DAB2IP: variants seen among roughly 807,000 people sequenced by gnomAD.
The protein encoded by DAB2IP is DAB2 interacting protein, also known as disabled homolog 2-interacting protein.
DAB2IP carries 28 observed loss-of-function variants against 107.2 expected under a neutral mutation model. The observed-to-expected ratio is 0.26, with a 90% CI of 0.19 to 0.36. DAB2IP has a LOEUF of 0.36. Ranked by LOEUF, DAB2IP falls within the 10% of genes least tolerant of loss-of-function variation. DAB2IP has a pLI of 1.00. For missense variants in DAB2IP, 1,400 were observed against 1,644.7 expected, an observed-to-expected ratio of 0.85 and a Z score of 2.57; for synonymous variants, 755 against 706.4, an observed-to-expected ratio of 1.07 and a Z score of -1.09.
chr9:121,728,142 AG>A (rs1382530569), intron 3 of DAB2IP, among the ~76,000 whole-genome samples: 13 of 152,190 alleles, frequency 8.5e-5, no homozygotes, highest in African/African-American at 3.1e-4. Flanking sequence ...CAGCGATCCC[AG>A]GGCAGGAGGC....
Position 121,699,549 on chromosome 9 carries a change from G to A in DAB2IP, c.362+91G>A. On this transcript the variant is annotated intron_variant, in intron 3 of 15. Transcript: ENST00000408936. The surrounding 1 kb of genome is among the most constrained non-coding windows in gnomAD (Gnocchi z 6.2). ...GGACAAAGCGCGAGCCCGGCCCGGG[G>A]CGAGCCACACGGCGGTGGGGGGACC... 8.1e-6 allele frequency: 9 copies of A among 1,115,578 alleles called. No individual in the cohort carries two copies. The highest frequency in any genetic ancestry group is 9.9e-6 in the Non-Finnish European group (9 of 906,242). The allele number at this position is 1,115,578 out of a possible 1,614,324, so 69.1% of individuals were successfully genotyped here. A position where few individuals can be genotyped will look rare whatever the true frequency, so the allele number is the denominator to read the frequency against.
At chr9:121,756,879 AG>A in intron 3 of DAB2IP, 133 bp from the exon 4 acceptor site, 1 of 1,253,144 alleles carries the variant, frequency 8.0e-7, no homozygotes, top group African/African-American at 1.5e-5. Flanking sequence ...ATCTGTCTTA[AG>A]ACAGAAAGGA....
intron 3 of DAB2IP, among the ~76,000 whole-genome samples, chr9:121,713,730 C>T (rs538434326): frequency 2.0e-5 from 3 of 152,204 alleles, no homozygotes; most frequent in East Asian, 1.9e-4. Context: ...GAGGCTGCAC[C>T]GGGGCTGAGA....
chr9:121,757,000 A>C lies in DAB2IP; in HGVS notation c.363-13A>C, dbSNP rs774201634. 1 of 1,613,680 alleles carries C rather than the reference A, an allele frequency of 6.2e-7. No homozygotes were observed. The highest frequency in any genetic ancestry group is 8.5e-7 in the Non-Finnish European group (1 of 1,179,860). On this transcript the variant is annotated splice_polypyrimidine_tract_variant and intron_variant, in intron 3 of 15. Transcript: ENST00000408936. Reference sequence around the variant, plus strand: ...CTGTGGGGGCCCACCTGACACACCTACTGCCACCCCAGGTCCCATCTGATG... The same window carrying C: ...CTGTGGGGGCCCACCTGACACACCTCCTGCCACCCCAGGTCCCATCTGATG...
At chr9:121,758,871 T>C in intron 4 of DAB2IP, 27 bp from the exon 5 acceptor site, 1 of 1,606,264 alleles carries the variant, frequency 6.2e-7, no homozygotes, top group Non-Finnish European at 8.5e-7. Flanking sequence ...CCTTCCCTCA[T>C]AACACTGTCT....
In DAB2IP at chr9:121,699,327, C is replaced by T. The variant is rs771420408; in HGVS notation, c.231C>T (p.Gly77=). The T allele has an allele frequency of 2.8e-6, 4 of 1,424,412 alleles. No homozygotes were observed. In the African/African-American group the frequency reaches 4.5e-5, roughly 16 times the overall value. 88.2% of individuals were successfully genotyped at this position (1,424,412 alleles called of 1,614,324 possible). ...CCCTCTTGTCCCCCCGTGCGCAGGGCTTCCTCAGCCGCCGCCTCAAGGGCT... is the reference window on the plus strand; with the variant it reads ...CCCTCTTGTCCCCCCGTGCGCAGGGTTTCCTCAGCCGCCGCCTCAAGGGCT... Residue 77 remains glycine (G), a splice_region_variant and synonymous_variant, in exon 3 of 16, where the codon GGC becomes GGT. Transcript: ENST00000408936. This position sits in a 1 kb window ranked among gnomAD's most constrained non-coding sequence, Gnocchi z 6.2.
At chr9:121,627,832 G>A (rs941722585) in intron 1 of DAB2IP, among the ~76,000 whole-genome samples, 2 of 152,098 alleles carry the variant, frequency 1.3e-5, no homozygotes, top group African/African-American at 2.4e-5. Flanking sequence ...TGCTTCTTTC[G>A]TTCAGTAAGA....
intron 14 of DAB2IP, among the ~76,000 whole-genome samples, chr9:121,777,613 A>G (rs1835295580): frequency 6.6e-6 from 1 of 152,218 alleles, no homozygotes; most frequent in Non-Finnish European, 1.5e-5. Context: ...CTTAATGTAA[A>G]TGTCAGTTAG....
chr9:121,652,571 C>A (rs1382406424), intron 1 of DAB2IP, among the ~76,000 whole-genome samples: 2 of 152,084 alleles, frequency 1.3e-5, no homozygotes, highest in African/African-American at 4.8e-5. Context: ...AGGGAAGCCC[C>A]TGGGAGGAGG....
intron 3 of DAB2IP, among the ~76,000 whole-genome samples, chr9:121,755,792 G>A (rs1056320263): frequency 6.6e-6 from 1 of 152,176 alleles, no homozygotes; most frequent in East Asian, 1.9e-4. Context: ...AGTGTACAGG[G>A]TATGCATCCT....
At chr9:121,737,809 G>C in intron 3 of DAB2IP, 2 of 983,548 alleles carry the variant, frequency 2.0e-6, no homozygotes, top group Non-Finnish European at 1.2e-6. Flanking sequence ...GGTCAGACAG[G>C]CTTTGGTCGG....
chr9:121,588,475 T>C (rs1189083474), intron 1 of DAB2IP, among the ~76,000 whole-genome samples: 1 of 147,676 alleles, frequency 6.8e-6, no homozygotes. Context: ...TATTCATGCA[T>C]AGGAGATCCA....
At chr9:121,729,218 G>C (rs535897519) in intron 3 of DAB2IP, among the ~76,000 whole-genome samples, 4 of 152,286 alleles carry the variant, frequency 2.6e-5, no homozygotes, top group African/African-American at 9.6e-5. Flanking sequence ...ACACAGCCAA[G>C]AGCCAAGGGG....
At chr9:121,715,359 T>G (rs549454548) in intron 3 of DAB2IP, among the ~76,000 whole-genome samples, 2 of 151,456 alleles carry the variant, frequency 1.3e-5, no homozygotes, top group Admixed American at 1.3e-4. Context: ...TTCTTTTTTT[T>G]TTTTTTGAGA....
intron 14 of DAB2IP, among the ~76,000 whole-genome samples, chr9:121,780,438 T>C (rs1049747768): frequency 6.6e-6 from 1 of 152,168 alleles, no homozygotes; most frequent in African/African-American, 2.4e-5. Flanking sequence ...AGTGGCTCCC[T>C]GTGTGTCTTC....
In DAB2IP at chr9:121,635,072, A is replaced by G. The variant is rs1047450921; in HGVS notation, c.41-43606A>G. Among the ~76,000 whole-genome samples the G allele has an allele frequency of 3.9e-5, 6 of 152,082 alleles. No homozygotes were observed. Among genetic ancestry groups the G allele is most frequent in the African/African-American group, 1.4e-4 (6 of 41,386 alleles). On this transcript the variant is annotated intron_variant, in intron 1 of 16. Coordinates refer to the DAB2IP transcript ENST00000259371. This position sits in a 1 kb window ranked among gnomAD's most constrained non-coding sequence, Gnocchi z 4.3. ...TGTGTGTGCATGTGCGTGTATGTCT[A>G]TGTGCGAAGGGGAAGCTTGGCAGAG...
Position 121,758,894 on chromosome 9 carries a change from A to G in DAB2IP, c.517-4A>G, listed in dbSNP as rs1564206281. 6.2e-7 allele frequency: 1 copy of G among 1,612,392 alleles called. No individual in the cohort carries two copies. The highest frequency in any genetic ancestry group is 1.1e-5 in the South Asian group (1 of 90,366). ...CATAACACTGTCTTGCCTGCTCCCCACAGGTGACGACGTCATCAGGAAGCA... is the reference window on the plus strand; with the variant it reads ...CATAACACTGTCTTGCCTGCTCCCCGCAGGTGACGACGTCATCAGGAAGCA... On this transcript the variant is annotated splice_polypyrimidine_tract_variant and splice_region_variant and intron_variant, in intron 4 of 15. Transcript: ENST00000408936.
intron 1 of DAB2IP, among the ~76,000 whole-genome samples, chr9:121,622,539 G>C (rs982256150): frequency 2.6e-5 from 4 of 152,122 alleles, no homozygotes; most frequent in Non-Finnish European, 5.9e-5. Flanking sequence ...TGTCAGATAC[G>C]CTGGGCTCCA....
rs1834892987 is a variant in DAB2IP, at chr9:121,773,095, C to T, written c.2567C>T (p.Ser856Phe). The change falls in exon 12 of 16, where the codon TCC (serine) becomes TTC (phenylalanine). Residue 856 changes from serine to phenylalanine, a missense_variant. Physicochemically the swap from Ser to Phe is radical, Grantham distance 155 (BLOSUM62 -2). Around this residue, in one of 3 missense-constraint regions of DAB2IP, gnomAD observed 600 missense variants for 659.1 expected, o/e 0.91. Transcript: ENST00000408936. ...GACTCAGGCTCTGAGGGCCACAGCT[C>T]CCTGAGCTCACACAGCAACAGCGAG... 1 of 1,612,440 alleles carries T rather than the reference C, an allele frequency of 6.2e-7. No homozygotes were observed. The highest frequency in any genetic ancestry group is 1.3e-5 in the African/African-American group (1 of 74,940).
Sources: allele counts gnomAD v4.1 joint callset (sites outside exome capture counted in the v4.1 genomes callset), GRCh38; gene constraint gnomAD v4.1.1; regional missense constraint gnomAD v4.1.1; non-coding constraint Gnocchi (gnomAD v3.1); transcripts MANE v1.5; gene names NCBI Gene and HGNC (gene_info 2026-07-23, HGNC 2026-07-21).